The following ITGA2 variants were observed in gnomAD, a reference collection of about 807,000 sequenced individuals.
ITGA2 encodes integrin subunit alpha 2, also known as integrin alpha-2.
A neutral mutation model predicts 146.3 loss-of-function variants in ITGA2; 101 were observed. The observed-to-expected ratio is 0.69, with a 90% CI of 0.59 to 0.81. ITGA2 has a LOEUF of 0.81. ITGA2 is among the 40% of genes least tolerant of loss of function. ITGA2 has a pLI of 0.00. For synonymous variants in ITGA2, 477 were observed against 487.1 expected (o/e 0.98, Z 0.27); for missense variants, 1,281 against 1,402.7 (o/e 0.91, Z 1.39).
chr5:53,083,620 A>G (rs1416706388), intron 27 of ITGA2, among the ~76,000 whole-genome samples, 167 bp downstream of exon 27: 3 of 152,198 alleles, frequency 2.0e-5, no homozygotes, highest in African/African-American at 7.2e-5. Context: ...TCGCTTTCCA[A>G]TGCCCATCCA....
intron 2 of ITGA2, among the ~76,000 whole-genome samples, chr5:53,031,460 C>G (rs943508569): frequency 3.9e-5 from 6 of 152,258 alleles, no homozygotes; most frequent in African/African-American, 1.4e-4. Flanking sequence ...ACTGAAGGCT[C>G]TAGTCTGAGT....
intron 10 of ITGA2, 37 bp downstream of exon 10, chr5:53,058,138 T>C: frequency 6.9e-7 from 1 of 1,452,584 alleles, no homozygotes; most frequent in Non-Finnish European, 9.7e-7. Flanking sequence ...ATGTTGTCAT[T>C]TGGCATAACA....
chr5:52,989,435 C>A lies in ITGA2; in HGVS notation c.-34C>A. ...GTATCCTCTGCAAACCTCTGCAAAC[C>A]CAGCGCAACTACGGTCCCCCGGTCA... On this transcript the variant is annotated 5_prime_UTR_variant, in exon 1 of 30. Transcript: ENST00000296585. 1.2e-6 allele frequency: 2 copies of A among 1,612,696 alleles called. No individual in the cohort carries two copies. The highest frequency in any genetic ancestry group is 1.7e-6 in the Non-Finnish European group (2 of 1,178,680).
chr5:53,060,982 T>G lies in ITGA2; in HGVS notation c.1394T>G (p.Ile465Arg). Residue 465 changes from isoleucine to arginine, a missense_variant, in exon 12 of 30, where the codon ATA becomes AGA. Physicochemically the swap from Ile to Arg is moderately conservative, Grantham distance 97. Around this residue, in one of 3 missense-constraint regions of ITGA2, gnomAD observed 795 missense variants for 841.7 expected, o/e 0.94. Transcript: ENST00000296585. ...GAPRANYTGQ[I>R]VLYSVNENGN... is the part of the protein sequence containing the mutation. ...CCTCGGGCAAATTATACCGGCCAGATAGTGCTATATAGTGTGAATGAGAAT... is the reference window on the plus strand; with the variant it reads ...CCTCGGGCAAATTATACCGGCCAGAGAGTGCTATATAGTGTGAATGAGAAT... 6.2e-7 allele frequency: 1 copy of G among 1,612,440 alleles called. No individual in the cohort carries two copies. The highest frequency in any genetic ancestry group is 8.5e-7 in the Non-Finnish European group (1 of 1,178,916).
intron 6 of ITGA2, among the ~76,000 whole-genome samples, chr5:53,050,834 G>A (rs1408427779): frequency 6.6e-6 from 1 of 152,196 alleles, no homozygotes; most frequent in Non-Finnish European, 1.5e-5. Context: ...TGCCCCATAT[G>A]CACATATAGC....
Position 53,062,777 on chromosome 5 carries a change from T to A in ITGA2, c.1459-9T>A. On this transcript the variant is annotated splice_polypyrimidine_tract_variant and intron_variant, in intron 12 of 29. Coordinates refer to ENST00000296585, the MANE Select transcript of ITGA2 (RefSeq NM_002203.4). ...GGAATTCTAAGTTTAACATGTTTTA[T>A]TACTCCAGATTGGCTCCTATTTTGG... 2 of 1,610,502 alleles carry A rather than the reference T, an allele frequency of 1.2e-6. No individual in the cohort carries two copies. The highest frequency in any genetic ancestry group is 1.7e-6 in the Non-Finnish European group (2 of 1,177,344).
intron 27 of ITGA2, among the ~76,000 whole-genome samples, chr5:53,084,283 T>G (rs1248842986): frequency 6.9e-6 from 1 of 144,170 alleles, no homozygotes; most frequent in Non-Finnish European, 1.6e-5. Context: ...TCTTTGTAGC[T>G]CTTACTAGAT....
At chr5:53,020,964 G>A (rs1742653942) in intron 1 of ITGA2, among the ~76,000 whole-genome samples, 2 of 151,652 alleles carry the variant, frequency 1.3e-5, no homozygotes, top group African/African-American at 4.8e-5. Flanking sequence ...CAAAGTGGTG[G>A]GATTATAGGC....
intron 1 of ITGA2, among the ~76,000 whole-genome samples, chr5:53,000,171 C>A (rs1029531990): frequency 6.6e-6 from 1 of 152,058 alleles, no homozygotes; most frequent in African/African-American, 2.4e-5. Context: ...AGATATAGTT[C>A]TTTTGTTTTC....
chr5:53,018,988 C>T (rs908895690), intron 1 of ITGA2, among the ~76,000 whole-genome samples: 3 of 151,970 alleles, frequency 2.0e-5, no homozygotes, highest in African/African-American at 4.8e-5. Flanking sequence ...TGCTTGAACC[C>T]GGGAGGCGGA....
chr5:53,033,417 C>G (rs1743330319), intron 2 of ITGA2, among the ~76,000 whole-genome samples: 1 of 152,078 alleles, frequency 6.6e-6, no homozygotes, highest in South Asian at 2.1e-4. Flanking sequence ...AATCCTCTTT[C>G]CAAAATAATC....
At chr5:52,996,716 C>T (rs2111671836) in intron 1 of ITGA2, among the ~76,000 whole-genome samples, 1 of 152,268 alleles carries the variant, frequency 6.6e-6, no homozygotes, top group East Asian at 1.9e-4. Context: ...CACTCCAATT[C>T]CAGTGGCATA....
intron 14 of ITGA2, 59 bp from the exon 15 acceptor site, chr5:53,065,782 T>C: frequency 6.2e-7 from 1 of 1,608,754 alleles, no homozygotes; most frequent in Non-Finnish European, 8.5e-7. Context: ...ATTCAGAGGC[T>C]GCCATTTTCT....
At chr5:53,033,419 A>G (rs1743330751) in intron 2 of ITGA2, among the ~76,000 whole-genome samples, 1 of 152,074 alleles carries the variant, frequency 6.6e-6, no homozygotes. Context: ...TCCTCTTTCC[A>G]AAATAATCAT....
At chr5:53,061,689 C>A (rs2111964591) in intron 12 of ITGA2, among the ~76,000 whole-genome samples, 1 of 152,072 alleles carries the variant, frequency 6.6e-6, no homozygotes, top group Middle Eastern at 3.4e-3. Context: ...CAGCTGATTG[C>A]TTCCTGTTTC....
chr5:53,038,451 A>C (rs931225442), intron 2 of ITGA2, among the ~76,000 whole-genome samples: 2 of 152,118 alleles, frequency 1.3e-5, no homozygotes, highest in African/African-American at 4.8e-5. Flanking sequence ...CCTAGGCCCC[A>C]CAGTATGGAT....
rs138087058 is a variant in ITGA2 at position 53,006,502 on chromosome 5, G to T, written c.64+16970G>T. Among the ~76,000 whole-genome samples the T allele has an allele frequency of 3.9e-3, 599 of 152,282 alleles. 4 individuals carry two copies. The highest frequency in any genetic ancestry group is 5.4e-3 in the Non-Finnish European group (370 of 68,024). ...CTGCACAGTAGCCTGCATTCAAGAG[G>T]ATTTATTAGTTAATTAAACTGTTCT... On this transcript the variant is annotated intron_variant, in intron 1 of 29. Coordinates refer to ENST00000296585, the MANE Select transcript of ITGA2 (RefSeq NM_002203.4).
chr5:53,081,696 G>A lies in ITGA2; in HGVS notation c.3144G>A (p.Leu1048=), dbSNP rs1745927265. The change falls in exon 26 of 30, where the codon TTG becomes TTA. Residue 1048 remains leucine, a splice_region_variant and synonymous_variant. Coordinates refer to ENST00000296585, the MANE Select transcript of ITGA2 (RefSeq NM_002203.4). ...KSENFRHTKE[L]NCRTASCSNV... ...AAAATTTCAGGCACACCAAAGAATTGGTGAGGACAAGTTAACGTGTGAAAG... is the reference window on the plus strand; with the variant it reads ...AAAATTTCAGGCACACCAAAGAATTAGTGAGGACAAGTTAACGTGTGAAAG... 1 of 1,600,904 alleles carries A rather than the reference G, an allele frequency of 6.2e-7. No individual in the cohort carries two copies. Among genetic ancestry groups the A allele is most frequent in the Admixed American group, 1.7e-5 (1 of 59,734 alleles).
intron 28 of ITGA2, among the ~76,000 whole-genome samples, chr5:53,088,300 A>G (rs1740213814): frequency 6.6e-6 from 1 of 152,210 alleles, no homozygotes; most frequent in Non-Finnish European, 1.5e-5. Flanking sequence ...TAAATCCATT[A>G]GATTCCTCTT....
Sources: gnomAD v4.1 joint callset for allele counts (sites outside exome capture counted in the v4.1 genomes callset) on GRCh38, gnomAD v4.1.1 for gene constraint, gnomAD v4.1.1 regional missense constraint, MANE v1.5 for transcripts, NCBI Gene and HGNC (gene_info 2026-07-23, HGNC 2026-07-21) for gene names.